Variants in ERICH6B observed in about 807,000 individuals in gnomAD.
ERICH6B encodes glutamate-rich protein 6B.
In ERICH6B, 69 loss-of-function variants were observed where a neutral mutation model predicts 80.0. The ratio of observed to expected loss-of-function variants is 0.86; its 90% CI spans 0.71 to 1.05. The LOEUF (loss-of-function observed/expected upper bound fraction) is 1.05, where lower values mean the gene tolerates loss of function less well. Among genes scored for constraint, ERICH6B ranks in the 50% least tolerant of loss-of-function variants. The pLI is 0.00. For synonymous variants in ERICH6B, 283 were observed against 291.9 expected, an observed-to-expected ratio of 0.97 and a Z score of 0.31; for missense variants, 754 against 796.1, an observed-to-expected ratio of 0.95 and a Z score of 0.64.
intron 1 of ERICH6B, among the ~76,000 whole-genome samples, chr13:45,608,937 A>G (rs1411722829): frequency 1.3e-5 from 2 of 152,136 alleles, no homozygotes; most frequent in Admixed American, 6.5e-5. Flanking sequence ...GCTTGGAGTC[A>G]CCCATGATTC....
intron 4 of ERICH6B, among the ~76,000 whole-genome samples, chr13:45,588,352 A>G (rs1876007616): frequency 6.6e-6 from 1 of 152,124 alleles, no homozygotes; most frequent in African/African-American, 2.4e-5. Flanking sequence ...CTTAGCAGCT[A>G]AGTTCTTAGG....
intron 5 of ERICH6B, among the ~76,000 whole-genome samples, chr13:45,586,732 G>A (rs1462944674): frequency 5.3e-5 from 8 of 152,284 alleles, no homozygotes; most frequent in Admixed American, 4.6e-4. Context: ...GTCCCTGAGG[G>A]AAATTGTGCC....
chr13:45,553,828 TTTTC>T, intron 11 of ERICH6B, among the ~76,000 whole-genome samples: 1 of 152,264 alleles, frequency 6.6e-6, no homozygotes, highest in South Asian at 2.1e-4. Flanking sequence ...CTTTAAAATT[TTTTC>T]TTTCTTTAAT....
At position 45,614,073 on chromosome 13, in the gene ERICH6B, C is replaced by T. The variant is rs115008413; in HGVS notation, c.-111+1612G>A. On this transcript the variant is annotated intron_variant, in intron 1 of 14. Coordinates refer to ENST00000298738, the MANE Select transcript of ERICH6B (RefSeq NM_182542.3). ...AAGAGAAGCCTTGAGCTTCGGTAGA[C>T]AGTTGTATGTGTCCCTTCCAACCAG... Among the ~76,000 whole-genome samples, 644 of 152,306 alleles carry T rather than the reference C, an allele frequency of 4.2e-3. 6 individuals are homozygous for T. The highest frequency in any genetic ancestry group is 0.014 in the African/African-American group (598 of 41,558).
intron 4 of ERICH6B, among the ~76,000 whole-genome samples, chr13:45,588,445 C>G (rs184804265): frequency 6.6e-6 from 1 of 152,178 alleles, no homozygotes; most frequent in Non-Finnish European, 1.5e-5. Context: ...TAAGAACAGG[C>G]GGATGCAGGT....
At chr13:45,612,894 G>A (rs1348140616) in intron 1 of ERICH6B, among the ~76,000 whole-genome samples, 2 of 152,102 alleles carry the variant, frequency 1.3e-5, no homozygotes, top group East Asian at 3.9e-4. Flanking sequence ...AGGGACTTTC[G>A]GGTTTTGACT....
At chr13:45,601,154 C>T (rs1398062942) in intron 2 of ERICH6B, among the ~76,000 whole-genome samples, 1 of 152,216 alleles carries the variant, frequency 6.6e-6, no homozygotes, top group African/African-American at 2.4e-5. Flanking sequence ...ATTCCCCACT[C>T]TGTCCTTGGC....
chr13:45,580,738 T>C lies in ERICH6B; in HGVS notation c.857-73A>G, dbSNP rs1356368587. On this transcript the variant is annotated intron_variant, in intron 5 of 14. Transcript: ENST00000298738. ...TTTTCCAGTGGGTTCATACTGGGTATGTGGGGTCCCAGGTTCTTTCTTGGC... is the reference window on the plus strand; with the variant it reads ...TTTTCCAGTGGGTTCATACTGGGTACGTGGGGTCCCAGGTTCTTTCTTGGC... 4.2e-6 allele frequency: 6 copies of C among 1,443,444 alleles called. No individual in the cohort carries two copies. In the East Asian group the frequency reaches 1.5e-4, roughly 36 times the overall value. 89.4% of individuals were successfully genotyped at this position (1,443,444 alleles called of 1,614,324 possible).
At chr13:45,587,365 GA>G in intron 4 of ERICH6B, 133 bp from the exon 5 acceptor site, 1 of 724,002 alleles carries the variant, frequency 1.4e-6, no homozygotes, top group Non-Finnish European at 2.2e-6. Flanking sequence ...AAGGTTTGAA[GA>G]GACTAGCTGT....
intron 9 of ERICH6B, among the ~76,000 whole-genome samples, chr13:45,565,361 A>G (rs1184577597): frequency 6.6e-6 from 1 of 152,148 alleles, no homozygotes; most frequent in East Asian, 1.9e-4. Flanking sequence ...CAACAGACCC[A>G]TGGGGGCACA....
chr13:45,563,274 C>T (rs760445420), intron 10 of ERICH6B, among the ~76,000 whole-genome samples: 10 of 152,202 alleles, frequency 6.6e-5, no homozygotes, highest in Non-Finnish European at 1.5e-4. Flanking sequence ...TGTCCCCTTC[C>T]CATCACAGGG....
At position 45,544,891 on chromosome 13, in the gene ERICH6B, G is replaced by T. The variant is rs1291381820; in HGVS notation, c.1741C>A (p.Pro581Thr). The change falls in exon 14 of 15, where the codon CCC (proline) becomes ACC (threonine). Residue 581 changes from proline (P) to threonine (T), a missense_variant. Coordinates refer to ENST00000298738, the MANE Select transcript of ERICH6B (RefSeq NM_182542.3). Reference protein sequence around the residue: ...WWNLNIHVHAPPVQPISLKIN... With the variant: ...WWNLNIHVHATPVQPISLKIN... ...TTCAAGGAGATGGGCTGGACAGGGG[G>T]TGCGTGGACATGGATGTTCAGATTC... The T allele has an allele frequency of 2.6e-6, 4 of 1,551,732 alleles. No homozygotes were observed. The highest frequency in any genetic ancestry group is 3.5e-6 in the Non-Finnish European group (4 of 1,147,002).
intron 8 of ERICH6B, among the ~76,000 whole-genome samples, chr13:45,572,028 C>T (rs1875194105): frequency 6.6e-6 from 1 of 152,210 alleles, no homozygotes; most frequent in Non-Finnish European, 1.5e-5. Context: ...CAGGGCTTAG[C>T]AAACTAATAC....
chr13:45,596,681 A>T lies in ERICH6B; in HGVS notation c.325T>A (p.Tyr109Asn). 4 of 1,543,224 alleles carry T rather than the reference A, an allele frequency of 2.6e-6. No homozygotes were observed. The highest frequency in any genetic ancestry group is 3.5e-6 in the Non-Finnish European group (4 of 1,144,566). Residue 109 changes from tyrosine to asparagine, a missense_variant, in exon 3 of 15, where the codon TAT (tyrosine) becomes AAT (asparagine). By Grantham distance (143) the Tyr-to-Asn change is moderately radical (BLOSUM62 -2). Coordinates refer to ENST00000298738, the MANE Select transcript of ERICH6B (RefSeq NM_182542.3). ...EKAGYLEEEEYIEEEEYLGKE... is the reference protein window; with the variant it reads ...EKAGYLEEEENIEEEEYLGKE... ...CCCAGATACTCTTCCTCTTCAATAT[A>T]CTCTTCCTCCTCCAGATACCCTGCC...
At chr13:45,581,659 G>A (rs1257174218) in intron 5 of ERICH6B, among the ~76,000 whole-genome samples, 1 of 152,226 alleles carries the variant, frequency 6.6e-6, no homozygotes, top group African/African-American at 2.4e-5. Flanking sequence ...TTACAGGCAT[G>A]AGCCACTGCG....
chr13:45,572,363 A>C (rs1310952874), intron 8 of ERICH6B, among the ~76,000 whole-genome samples: 2 of 152,118 alleles, frequency 1.3e-5, no homozygotes, highest in Admixed American at 6.5e-5. Flanking sequence ...TTCATCATCC[A>C]CAAAGCCACC....
Position 45,580,593 on chromosome 13 carries a change from T to C in ERICH6B, c.919+10A>G. 1.9e-6 allele frequency: 3 copies of C among 1,551,570 alleles called. No individual in the cohort carries two copies. Among genetic ancestry groups the C allele is most frequent in the Non-Finnish European group, 2.6e-6 (3 of 1,146,846 alleles). ...TTCTACAGATCATTTAAAATCATCATAAACTTTACCTTCCGGAGCCAGCTT... is the reference window on the plus strand; with the variant it reads ...TTCTACAGATCATTTAAAATCATCACAAACTTTACCTTCCGGAGCCAGCTT... On this transcript the variant is annotated intron_variant, in intron 6 of 14. Coordinates refer to ENST00000298738, the MANE Select transcript of ERICH6B (RefSeq NM_182542.3).
intron 10 of ERICH6B, 138 bp downstream of exon 10, chr13:45,563,586 CAGG>C: frequency 1.3e-6 from 1 of 778,046 alleles, no homozygotes; most frequent in South Asian, 1.6e-5. Flanking sequence ...CCCTGGCAGC[CAGG>C]ACCACATCAG....
intron 5 of ERICH6B, among the ~76,000 whole-genome samples, chr13:45,586,216 C>G (rs994454405): frequency 1.3e-5 from 2 of 152,130 alleles, no homozygotes; most frequent in African/African-American, 4.8e-5. Flanking sequence ...CTCTGCCTCT[C>G]CATTCTCCCT....
Sources: allele counts gnomAD v4.1 joint callset (sites outside exome capture counted in the v4.1 genomes callset), GRCh38; gene constraint gnomAD v4.1.1; transcripts MANE v1.5; gene names NCBI Gene and HGNC (gene_info 2026-07-23, HGNC 2026-07-21).